The following ABCG1 variants were observed in gnomAD, a reference collection of about 807,000 sequenced individuals.
The protein encoded by ABCG1 is ATP binding cassette subfamily G member 1.
A neutral mutation model predicts 69.2 loss-of-function variants in ABCG1; 29 were observed. The ratio of observed to expected loss-of-function variants is 0.42; its 90% confidence interval spans 0.31 to 0.57. The LOEUF (loss-of-function observed/expected upper bound fraction) is 0.57. ABCG1 is among the 20% of genes least tolerant of loss of function. The probability of loss-of-function intolerance (pLI) is 0.15; values close to 1 mark genes in which losing one functional copy is unlikely to be tolerated. For synonymous variants in ABCG1, 370 were observed against 374.8 expected, an observed-to-expected ratio of 0.99 and a Z score of 0.15; for missense variants, 718 against 898.1, an observed-to-expected ratio of 0.80 and a Z score of 2.56.
intron 1 of ABCG1, chr21:42,201,554 G>C (rs1186996803): frequency 4.1e-6 from 6 of 1,459,800 alleles, no homozygotes; most frequent in Middle Eastern, 2.4e-4. Context: ...TCATTCTGTC[G>C]ACCTTCTTCC....
At chr21:42,202,720 T>C (rs1405376896) in intron 2 of ABCG1, among the ~76,000 whole-genome samples, 1 of 152,002 alleles carries the variant, frequency 6.6e-6, no homozygotes, top group Non-Finnish European at 1.5e-5. Context: ...CAAGCGATCC[T>C]CCCACCTCAG....
At position 42,286,118 on chromosome 21, in the gene ABCG1, C is replaced by G. The variant is rs1275554349; in HGVS notation, c.973+124C>G. The stretch of plus-strand genomic sequence containing the variant: ...CTACCACAAATAGCTCAAGTGTCAT[C>G]CAGTTATAAAACGTTTAAAGAACAA... On this transcript the variant is annotated intron_variant, in intron 8 of 14. Transcript: ENST00000398449. 5 of 705,150 alleles carry G rather than the reference C, an allele frequency of 7.1e-6. No homozygotes were observed. The African/African-American group carries it at 8.9e-5, about 13-fold the overall frequency. The allele number at this position is 705,150 out of a possible 1,614,324, so 43.7% of individuals were successfully genotyped here. A position where few individuals can be genotyped will look rare whatever the true frequency, so the allele number is the denominator to read the frequency against.
chr21:42,213,779 T>C (rs1261135745), upstream of ABCG1, among the ~76,000 whole-genome samples: 2 of 152,256 alleles, frequency 1.3e-5, no homozygotes, highest in Admixed American at 1.3e-4. Context: ...AGACCTGTTA[T>C]CGCTTTCTTC....
intron 2 of ABCG1, among the ~76,000 whole-genome samples, chr21:42,259,122 C>A (rs2068360201): frequency 6.6e-6 from 1 of 152,210 alleles, no homozygotes. Context: ...CCAGCCTTAG[C>A]TGGATTTTCT....
chr21:42,248,806 C>G (rs9978842), intron 2 of ABCG1, among the ~76,000 whole-genome samples: 10,056 of 149,136 alleles, frequency 0.067, 456 homozygotes, highest in African/African-American at 0.13. Context: ...ACTTGGGGGG[C>G]TGAGGGAGGA....
chr21:42,259,277 C>T lies in ABCG1; in HGVS notation c.287-11793C>T, dbSNP rs1282820004. 1.1e-5 allele frequency: 16 copies of T among 1,514,728 alleles called. No homozygotes were observed. The East Asian group carries it at 3.5e-4, about 33-fold the overall frequency. 93.8% of individuals were successfully genotyped at this position (1,514,728 alleles called of 1,614,324 possible). A position where few individuals can be genotyped will look rare whatever the true frequency, so the allele number is the denominator to read the frequency against. On this transcript the variant is annotated intron_variant, in intron 2 of 14. Transcript: ENST00000398449. ...GCACAGCCTGGAGACCAGATCTGTG[C>T]TCTGCCTGAGTTTGTAAGTGAAGTT... is the stretch of plus-strand genomic sequence containing the variant.
chr21:42,209,848 A>G (rs2067572523), intron 2 of ABCG1, among the ~76,000 whole-genome samples: 3 of 152,208 alleles, frequency 2.0e-5, no homozygotes, highest in African/African-American at 4.8e-5. Flanking sequence ...AGCCCGCTTA[A>G]TAGCTGAGGT....
At chr21:42,285,481 G>C (rs528360008) in intron 7 of ABCG1, among the ~76,000 whole-genome samples, 1 of 151,758 alleles carries the variant, frequency 6.6e-6, no homozygotes, top group Non-Finnish European at 1.5e-5. Context: ...ACTCCAGCCT[G>C]GGCAACAGAG....
chr21:42,225,644 T>A, intron 1 of ABCG1, 27 bp from the exon 2 acceptor site: 1 of 1,610,082 alleles, frequency 6.2e-7, no homozygotes, highest in Non-Finnish European at 8.5e-7. Context: ...TTATAACAGG[T>A]CTTGTTGCTT....
intron 5 of ABCG1, 130 bp downstream of exon 5, chr21:42,277,075 T>A: frequency 1.0e-6 from 1 of 961,246 alleles, no homozygotes; most frequent in Non-Finnish European, 1.6e-6. Flanking sequence ...CTTCCGTGTG[T>A]GGGACAGGCA....
intron 2 of ABCG1, among the ~76,000 whole-genome samples, chr21:42,258,765 A>T (rs909273840): frequency 3.9e-5 from 6 of 152,148 alleles, no homozygotes; most frequent in African/African-American, 1.4e-4. Context: ...AAGACTCGGG[A>T]TGAGGGCTGC....
chr21:42,251,739 G>C (rs1052449574), intron 2 of ABCG1, among the ~76,000 whole-genome samples: 1 of 152,204 alleles, frequency 6.6e-6, no homozygotes, highest in African/African-American at 2.4e-5. Flanking sequence ...GGAGACAGTG[G>C]GGGCCCACCC....
intron 2 of ABCG1, among the ~76,000 whole-genome samples, chr21:42,243,943 C>T (rs2068094132): frequency 6.6e-6 from 1 of 151,560 alleles, no homozygotes; most frequent in Non-Finnish European, 1.5e-5. Flanking sequence ...CTCAGCCTCC[C>T]GAATAGCTGG....
upstream of ABCG1, among the ~76,000 whole-genome samples, chr21:42,214,465 T>C (rs1166938432): frequency 6.6e-6 from 1 of 152,218 alleles, no homozygotes; most frequent in Non-Finnish European, 1.5e-5. Context: ...ACTCCCTCCC[T>C]TGGTCAGAGA....
At chr21:42,214,343 G>C (rs2067617342), upstream of ABCG1, among the ~76,000 whole-genome samples, 1 of 152,218 alleles carries the variant, frequency 6.6e-6, no homozygotes, top group Non-Finnish European at 1.5e-5. Context: ...GCTGGAGTTT[G>C]ACCTTGGACT....
chr21:42,225,470 A>AT (rs2067800659), intron 1 of ABCG1, among the ~76,000 whole-genome samples: 1 of 152,164 alleles, frequency 6.6e-6, no homozygotes, highest in Non-Finnish European at 1.5e-5. Context: ...TACCTTAAGC[A>AT]TTTTTTAATA....
intron 2 of ABCG1, among the ~76,000 whole-genome samples, chr21:42,202,729 A>G (rs2067516306): frequency 6.6e-6 from 1 of 152,004 alleles, no homozygotes; most frequent in South Asian, 2.1e-4. Context: ...CTCCCACCTC[A>G]GCCACCTGAG....
At chr21:42,281,127 G>A (rs919193081) in intron 5 of ABCG1, among the ~76,000 whole-genome samples, 12 of 152,358 alleles carry the variant, frequency 7.9e-5, no homozygotes, top group Admixed American at 2.6e-4. Flanking sequence ...ACTTTGTACC[G>A]ACTGTGCATA....
At chr21:42,207,008 A>T (rs909528476) in intron 2 of ABCG1, 7 of 151,824 alleles carry the variant, frequency 4.6e-5, no homozygotes, top group Non-Finnish European at 4.4e-5. Context: ...TTTCTCTCTC[A>T]TTCCCTTTAA....
Sources: allele counts gnomAD v4.1 joint callset (sites outside exome capture counted in the v4.1 genomes callset), GRCh38; gene constraint gnomAD v4.1.1; transcripts MANE v1.5; gene names NCBI Gene and HGNC (gene_info 2026-07-23, HGNC 2026-07-21).